UBA3: variants seen among roughly 807,000 people sequenced by gnomAD.
UBA3 encodes the protein ubiquitin like modifier activating enzyme 3.
In UBA3, 26 loss-of-function variants were observed where a neutral mutation model predicts 73.5. That is an observed-to-expected ratio of 0.35 (90% CI 0.26 to 0.49). UBA3 has a LOEUF of 0.49. UBA3 is among the 20% of genes least tolerant of loss of function. The pLI is 0.98. For missense variants in UBA3, 495 were observed against 555.6 expected (o/e 0.89, Z 1.10); for synonymous variants, 217 against 191.2 (o/e 1.13, Z -1.11).
At position 69,063,054 on chromosome 3, in the gene UBA3, T is replaced by G. The variant is rs771038758; in HGVS notation, c.621A>C (p.Lys207Asn). ...PLIDGGTEGF[K>N]GNARVILPGM... ...CAGGCAGAATCACCCGGGCATTTCCTTTAAAACCTTCTGTCCCCCCATCTA... is the reference window on the plus strand; with the variant it reads ...CAGGCAGAATCACCCGGGCATTTCCGTTAAAACCTTCTGTCCCCCCATCTA... Residue 207 changes from lysine to asparagine, a missense_variant, in exon 9 of 18, where the codon AAA becomes AAC. Physicochemically the swap from Lys to Asn is moderately conservative, Grantham distance 94. Coordinates refer to ENST00000361055, the MANE Select transcript of UBA3 (RefSeq NM_003968.4). The G allele has an allele frequency of 2.5e-6, 4 of 1,614,104 alleles. No homozygotes were observed. Among genetic ancestry groups the G allele is most frequent in the Non-Finnish European group, 3.4e-6 (4 of 1,179,988 alleles).
chr3:69,065,260 T>G (rs953516679), intron 6 of UBA3, among the ~76,000 whole-genome samples: 1 of 151,920 alleles, frequency 6.6e-6, no homozygotes, highest in Non-Finnish European at 1.5e-5. Flanking sequence ...ACTCTTCCTT[T>G]TTCCCTACAG....
At position 69,057,305 on chromosome 3, in the gene UBA3, T is replaced by TA. The variant is rs1240410445; in HGVS notation, c.914dup (p.Val306SerfsTer22). The TA allele has an allele frequency of 6.2e-7, 1 of 1,609,602 alleles. No individual in the cohort carries two copies. Among genetic ancestry groups the TA allele is most frequent in the South Asian group, 1.1e-5 (1 of 89,886 alleles). ...CTACTGCAGGAATGATTCTTTTTAC[T>TA]ACCCCTGAAAAAACATATCAATTAA... On this transcript the variant is annotated frameshift_variant, in exon 12 of 18. Coordinates refer to ENST00000361055, the MANE Select transcript of UBA3 (RefSeq NM_003968.4). LOFTEE classifies it high-confidence loss of function.
At chr3:69,072,217 G>A (rs1031117259) in intron 4 of UBA3, among the ~76,000 whole-genome samples, 2 of 152,118 alleles carry the variant, frequency 1.3e-5, no homozygotes, top group Non-Finnish European at 2.9e-5. Flanking sequence ...ATTCTGAACA[G>A]TACAACCACA....
intron 5 of UBA3, 40 bp downstream of exon 5, chr3:69,071,495 G>A: frequency 9.2e-7 from 1 of 1,090,468 alleles, no homozygotes; most frequent in Non-Finnish European, 1.3e-6. Context: ...ATGATTATCA[G>A]AGCTTAAAAA....
intron 9 of UBA3, among the ~76,000 whole-genome samples, chr3:69,062,744 A>T (rs1281443768): frequency 6.6e-6 from 1 of 152,142 alleles, no homozygotes; most frequent in Non-Finnish European, 1.5e-5. Flanking sequence ...CTTGATACCT[A>T]CTCCCCAAAT....
At chr3:69,080,052 C>A in intron 2 of UBA3, 60 bp downstream of exon 2, 2 of 1,542,478 alleles carry the variant, frequency 1.3e-6, no homozygotes, top group Non-Finnish European at 8.9e-7. Flanking sequence ...GTCCCCTAGG[C>A]CTGGGGTGGG....
chr3:69,063,222 C>T (rs1054682796), intron 8 of UBA3, 85 bp from the exon 9 acceptor site: 5 of 1,536,250 alleles, frequency 3.3e-6, no homozygotes, highest in East Asian at 4.6e-5. Flanking sequence ...TCCTATGAGT[C>T]GGTTGTGCTA....
Position 69,056,001 on chromosome 3 carries a change from T to G in UBA3, c.1247A>C (p.Gln416Pro). 6.2e-7 allele frequency: 1 copy of G among 1,605,370 alleles called. No individual in the cohort carries two copies. Among genetic ancestry groups the G allele is most frequent in the Non-Finnish European group, 8.5e-7 (1 of 1,177,212 alleles). The change falls in exon 16 of 18, where the codon CAG becomes CCG. Residue 416 changes from glutamine to proline, a missense_variant and splice_region_variant. Physicochemically the swap from Gln to Pro is moderately conservative, Grantham distance 76. Transcript: ENST00000361055. ...LEGKNRTLYL[Q>P]SVTSIEERTR... is the part of the protein sequence containing the mutation. ...AAATTTAAAATACACATTGATAACCTGTAAGTAAAGTGTTCTATTTTTTCC... is the reference window on the plus strand; with the variant it reads ...AAATTTAAAATACACATTGATAACCGGTAAGTAAAGTGTTCTATTTTTTCC...
At chr3:69,065,604 G>A (rs142099390) in intron 6 of UBA3, among the ~76,000 whole-genome samples, 103 of 151,858 alleles carry the variant, frequency 6.8e-4, no homozygotes, top group African/African-American at 2.4e-3. Context: ...CACCATGCCC[G>A]GGTAATTTTT....
In UBA3 at chr3:69,063,209, TA is replaced by T. The variant is rs2092038488; in HGVS notation, c.538-73del. The T allele has an allele frequency of 7.0e-6, 11 of 1,573,460 alleles. No individual in the cohort carries two copies. In the Admixed American group the frequency reaches 1.8e-4, roughly 25 times the overall value. ...TCAAAAGAAGAAGTATGCTTTCAAG[TA>T]ATCCTATGAGTCGGTTGTGCTATTG... On this transcript the variant is annotated intron_variant, in intron 8 of 17. Transcript: ENST00000361055.
intron 14 of UBA3, 109 bp downstream of exon 14, chr3:69,056,503 G>A: frequency 1.0e-6 from 1 of 976,190 alleles, no homozygotes; most frequent in East Asian, 2.5e-5. Context: ...ATAATAAGTA[G>A]AGTTCTGGAA....
At chr3:69,063,243 A>C in intron 8 of UBA3, 106 bp from the exon 9 acceptor site, 2 of 1,405,684 alleles carry the variant, frequency 1.4e-6, no homozygotes, top group African/African-American at 1.5e-5. Flanking sequence ...TTGAATACCA[A>C]TGTATCAAAT....
At chr3:69,079,148 A>G (rs1402847049) in intron 2 of UBA3, among the ~76,000 whole-genome samples, 1 of 152,232 alleles carries the variant, frequency 6.6e-6, no homozygotes, top group Non-Finnish European at 1.5e-5. Flanking sequence ...CAGATTACTT[A>G]ATAGACATAA....
chr3:69,079,760 GTGTT>G, intron 2 of UBA3: 1 of 301,672 alleles, frequency 3.3e-6, no homozygotes, highest in South Asian at 6.4e-5. Context: ...CTTTTCCTGT[GTGTT>G]TAAGGTAGAT....
chr3:69,061,721 T>C, intron 11 of UBA3, 93 bp downstream of exon 11: 1 of 720,732 alleles, frequency 1.4e-6, no homozygotes, highest in Non-Finnish European at 2.3e-6. Flanking sequence ...AAGTGGATGG[T>C]ACTGTCTAAA....
In UBA3 at chr3:69,056,290, A is replaced by G. The variant is rs370983354; in HGVS notation, c.1084-7T>C. 9 of 1,569,694 alleles carry G rather than the reference A, an allele frequency of 5.7e-6. No homozygotes were observed. Among genetic ancestry groups the G allele is most frequent in the Non-Finnish European group, 7.7e-6 (9 of 1,161,492 alleles). ...TACAAGCTGGGCAGTTTTCCTACAC[A>G]CATAATACACAACAAATTACAGCAG... On this transcript the variant is annotated splice_region_variant and splice_polypyrimidine_tract_variant and intron_variant, in intron 14 of 17. Transcript: ENST00000361055.
chr3:69,056,267 C>CA lies in UBA3; in HGVS notation c.1099dup (p.Cys367LeufsTer2). On this transcript the variant is annotated frameshift_variant, in exon 15 of 18. Coordinates refer to ENST00000361055, the MANE Select transcript of UBA3 (RefSeq NM_003968.4). LOFTEE classifies it high-confidence loss of function. Reference sequence around the variant, plus strand: ...CTGAATATTTTGAGGAAGCTGGCTACAAGCTGGGCAGTTTTCCTACACACA... The same window carrying CA: ...CTGAATATTTTGAGGAAGCTGGCTACAAAGCTGGGCAGTTTTCCTACACACA... The CA allele has an allele frequency of 6.3e-7, 1 of 1,599,854 alleles. No individual in the cohort carries two copies. Among genetic ancestry groups the CA allele is most frequent in the Non-Finnish European group, 8.5e-7 (1 of 1,176,128 alleles).
At chr3:69,078,021 T>G in intron 2 of UBA3, 103 bp from the exon 3 acceptor site, 1 of 1,375,350 alleles carries the variant, frequency 7.3e-7, no homozygotes, top group Non-Finnish European at 9.7e-7. Context: ...ACACCAGACC[T>G]GCTCAAATAA....
Position 69,062,968 on chromosome 3 carries a change from G to A in UBA3, c.693+14C>T, listed in dbSNP as rs775319217. 4.3e-6 allele frequency: 7 copies of A among 1,612,866 alleles called. No individual in the cohort carries two copies. The South Asian group carries it at 4.4e-5, about 10-fold the overall frequency. ...AAGATACTATAAAAGAAATGCAGGT[G>A]CTTTTTTGATTACCTGTGGTGGATA... is the stretch of plus-strand genomic sequence containing the variant. On this transcript the variant is annotated intron_variant, in intron 9 of 17. Coordinates refer to ENST00000361055, the MANE Select transcript of UBA3 (RefSeq NM_003968.4).
Sources: gnomAD v4.1 joint callset for allele counts (sites outside exome capture counted in the v4.1 genomes callset) on GRCh38, gnomAD v4.1.1 for gene constraint, MANE v1.5 for transcripts, NCBI Gene and HGNC (gene_info 2026-07-23, HGNC 2026-07-21) for gene names.